Variants in SLC6A13 observed in about 807,000 individuals in gnomAD.
SLC6A13 encodes solute carrier family 6 member 13.
A neutral mutation model predicts 72.9 loss-of-function variants in SLC6A13; 69 were observed. The ratio of observed to expected loss-of-function variants is 0.95; its 90% CI spans 0.78 to 1.16. The LOEUF is 1.16. Among genes scored for constraint, SLC6A13 ranks in the 50% most tolerant of loss-of-function variants. The pLI, the probability that SLC6A13 is intolerant of heterozygous loss-of-function variation, is 0.00. For synonymous variants in SLC6A13, 303 were observed against 303.0 expected (o/e 1.00, Z 0.00); for missense variants, 735 against 760.5 (o/e 0.97, Z 0.39).
At chr12:244,497 T>C (rs1000424385) in intron 2 of SLC6A13, among the ~76,000 whole-genome samples, 2 of 152,192 alleles carry the variant, frequency 1.3e-5, no homozygotes, top group African/African-American at 4.8e-5. Context: ...AAGACCAGCC[T>C]GGGCAACATG....
intron 2 of SLC6A13, among the ~76,000 whole-genome samples, chr12:248,849 G>T (rs523169): frequency 0.19 from 28,776 of 152,074 alleles, 3,126 homozygotes; most frequent in East Asian, 0.37. Context: ...AGTTTCAAAT[G>T]AACATGGAAT....
At chr12:224,535 C>G (rs772840847) in intron 9 of SLC6A13, 22 bp from the exon 10 acceptor site, 5 of 1,600,594 alleles carry the variant, frequency 3.1e-6, no homozygotes, top group Non-Finnish European at 4.3e-6. Context: ...AGCAGAGGAA[C>G]ACGGGCCAGT....
intron 7 of SLC6A13, among the ~76,000 whole-genome samples, chr12:229,699 C>A (rs1021957444): frequency 6.6e-6 from 1 of 152,326 alleles, no homozygotes; most frequent in South Asian, 2.1e-4. Context: ...GTCCTCGCGC[C>A]TTGGACATTT....
chr12:223,522 A>AGT (rs1413221658), intron 11 of SLC6A13, among the ~76,000 whole-genome samples: 1 of 152,076 alleles, frequency 6.6e-6, no homozygotes, highest in Non-Finnish European at 1.5e-5. Flanking sequence ...CAAGACATAG[A>AGT]GTGTACTCTT....
intron 1 of SLC6A13, among the ~76,000 whole-genome samples, chr12:260,284 C>T (rs890280174): frequency 6.6e-6 from 1 of 152,202 alleles, no homozygotes; most frequent in African/African-American, 2.4e-5. Context: ...AGTGTTGGTA[C>T]TGACAGACAG....
At chr12:233,465 C>A (rs1036341850) in intron 7 of SLC6A13, among the ~76,000 whole-genome samples, 1 of 152,148 alleles carries the variant, frequency 6.6e-6, no homozygotes, top group Non-Finnish European at 1.5e-5. Context: ...GTGCAGACCA[C>A]GAAGGAAGGG....
Position 260,171 on chromosome 12 carries a change from C to A in SLC6A13, c.-5-114G>T, listed in dbSNP as rs542045385. 12 of 1,136,096 alleles carry A rather than the reference C, an allele frequency of 1.1e-5. No homozygotes were observed. In the Admixed American group the frequency reaches 1.9e-4, roughly 18 times the overall value. 70.4% of individuals were successfully genotyped at this position (1,136,096 alleles called of 1,614,324 possible). The stretch of plus-strand genomic sequence containing the variant: ...TGAATGCACTGGAAGAGGTGAATTT[C>A]TATTCCCTTCCCTGTAGACCATGTC... On this transcript the variant is annotated intron_variant, in intron 1 of 14. Transcript: ENST00000343164.
intron 1 of SLC6A13, among the ~76,000 whole-genome samples, chr12:261,465 A>G (rs533122841): frequency 1.3e-5 from 2 of 152,328 alleles, no homozygotes; most frequent in Non-Finnish European, 2.9e-5. Context: ...TACTAAAAGC[A>G]TCTTCTAATG....
At chr12:223,907 G>T in intron 11 of SLC6A13, 85 bp downstream of exon 11, 1 of 1,500,338 alleles carries the variant, frequency 6.7e-7, no homozygotes, top group Non-Finnish European at 9.2e-7. Flanking sequence ...CCCTGACCGG[G>T]AGCCAGGGTA....
chr12:223,065 G>A lies in SLC6A13; in HGVS notation c.1414+67C>T, dbSNP rs557718146. The A allele has an allele frequency of 2.7e-5, 26 of 957,568 alleles. 1 individual carries two copies. Among genetic ancestry groups the A allele is most frequent in the East Asian group, 1.2e-4 (5 of 41,056 alleles). 59.3% of individuals were successfully genotyped at this position (957,568 alleles called of 1,614,324 possible). A position where few individuals can be genotyped will look rare whatever the true frequency, so the allele number is the denominator to read the frequency against. On this transcript the variant is annotated intron_variant, in intron 12 of 14. Coordinates refer to ENST00000343164, the MANE Select transcript of SLC6A13 (RefSeq NM_016615.5). Reference sequence around the variant, plus strand: ...AGTGCGAGCAGTAGATGTCTGTTTCGTGTCTAAGGACCCCAAGACCCTTAG... The same window carrying A: ...AGTGCGAGCAGTAGATGTCTGTTTCATGTCTAAGGACCCCAAGACCCTTAG...
intron 2 of SLC6A13, among the ~76,000 whole-genome samples, chr12:247,139 A>C (rs755471933): frequency 1.3e-5 from 2 of 152,032 alleles, no homozygotes; most frequent in Non-Finnish European, 2.9e-5. Flanking sequence ...TGAAAGAAAG[A>C]AAAGGGTGAG....
intron 7 of SLC6A13, among the ~76,000 whole-genome samples, chr12:232,230 C>T (rs1941738196): frequency 6.6e-6 from 1 of 152,208 alleles, no homozygotes; most frequent in Non-Finnish European, 1.5e-5. Flanking sequence ...AGCCTACCTG[C>T]CTGTCACCTT....
In SLC6A13 at chr12:237,996, A is replaced by G. The variant is rs1942003115; in HGVS notation, c.493T>C (p.Phe165Leu). 1.2e-6 allele frequency: 2 copies of G among 1,613,892 alleles called. No homozygotes were observed. Among genetic ancestry groups the G allele is most frequent in the East Asian group, 2.2e-5 (1 of 44,872 alleles). The change falls in exon 5 of 15, where the codon TTC becomes CTC. Residue 165 changes from phenylalanine (F) to leucine (L), a missense_variant. Physicochemically the swap from Phe to Leu is conservative, Grantham distance 22. Transcript: ENST00000343164. ...TTCAGGGAGCCGTTGGTCTTCTGGA[A>G]CTCCATACAGTGTTCTACCCATGGG... is the stretch of plus-strand genomic sequence containing the variant. ...HEWNTEHCME[F>L]QKTNGSLNGT...
chr12:235,029 G>A, intron 7 of SLC6A13, 61 bp downstream of exon 7: 2 of 1,605,768 alleles, frequency 1.2e-6, no homozygotes, highest in Non-Finnish European at 1.7e-6. Flanking sequence ...AGAGTGCAGG[G>A]AAAGCCTGAA....
chr12:239,545 GTC>G (rs901873353), intron 4 of SLC6A13, among the ~76,000 whole-genome samples: 6 of 152,194 alleles, frequency 3.9e-5, no homozygotes, highest in African/African-American at 1.4e-4. Flanking sequence ...GAAACTCACA[GTC>G]TCTGTTTTAT....
At chr12:223,431 T>G (rs904418832) in intron 11 of SLC6A13, among the ~76,000 whole-genome samples, 197 bp from the exon 12 acceptor site, 2 of 152,034 alleles carry the variant, frequency 1.3e-5, no homozygotes, top group African/African-American at 2.4e-5. Context: ...TTTTTATTAT[T>G]TTTTGGGACA....
intron 7 of SLC6A13, among the ~76,000 whole-genome samples, chr12:231,122 G>A (rs1250433099): frequency 6.6e-6 from 1 of 152,124 alleles, no homozygotes; most frequent in East Asian, 1.9e-4. Context: ...ACAGGGCCAG[G>A]ACCCGGGAAA....
Position 242,696 on chromosome 12 carries a change from C to T in SLC6A13, c.396G>A (p.Val132=). The T allele has an allele frequency of 6.2e-7, 1 of 1,610,516 alleles. No individual in the cohort carries two copies. The highest frequency in any genetic ancestry group is 2.2e-5 in the East Asian group (1 of 44,818). The change falls in exon 4 of 15, where the codon GTG becomes GTA. Residue 132 remains valine, a synonymous_variant. Transcript: ENST00000343164. ...VILLNVYYII[V]LAWALFYLFS... ...AGAGGTAGAACAGGGCCCAGGCCAA[C>T]ACAATGATGTAGTAGACGTTGAGGA...
In SLC6A13 at chr12:235,147, T is replaced by A; in HGVS notation, c.774A>T (p.Ala258=). 6.2e-7 allele frequency: 1 copy of A among 1,614,202 alleles called. No individual in the cohort carries two copies. Among genetic ancestry groups the A allele is most frequent in the Non-Finnish European group, 8.5e-7 (1 of 1,180,012 alleles). ...LLIRGVTLPG[A]AQGIQFYLYP... Reference sequence around the variant, plus strand: ...ACAGGTAAAACTGAATTCCTTGGGCTGCCCCAGGCAACGTCACCCCTCGAA... The same window carrying A: ...ACAGGTAAAACTGAATTCCTTGGGCAGCCCCAGGCAACGTCACCCCTCGAA... The change falls in exon 7 of 15, where the codon GCA becomes GCT. Residue 258 remains alanine (A), a synonymous_variant. Transcript: ENST00000343164.
Sources: allele counts gnomAD v4.1 joint callset (sites outside exome capture counted in the v4.1 genomes callset), GRCh38; gene constraint gnomAD v4.1.1; transcripts MANE v1.5; gene names NCBI Gene and HGNC (gene_info 2026-07-23, HGNC 2026-07-21).